The following SKIC3 variants were observed in gnomAD, a reference collection of about 807,000 sequenced individuals.
SKIC3 encodes superkiller complex protein 3.
chr5:95,525,643 A>T, the SKIC3 span: 1 of 1,614,104 alleles, frequency 6.2e-7, no homozygotes, highest in Non-Finnish European at 8.5e-7. Flanking sequence ...TTGAGAACCA[A>T]AAGTCCTGGG....
chr5:95,496,261 C>T, the SKIC3 span, among the ~76,000 whole-genome samples: 1 of 152,100 alleles, frequency 6.6e-6, no homozygotes, highest in Non-Finnish European at 1.5e-5. Context: ...CAGGTAATCC[C>T]CCCTCCTTGG....
At chr5:95,511,976 T>C in the SKIC3 span, among the ~76,000 whole-genome samples, 1 of 152,218 alleles carries the variant, frequency 6.6e-6, no homozygotes, top group Non-Finnish European at 1.5e-5. Context: ...AATGTATCTT[T>C]CCAATATCTT....
the SKIC3 span, among the ~76,000 whole-genome samples, chr5:95,486,251 C>T: frequency 6.6e-5 from 10 of 152,262 alleles, no homozygotes; most frequent in South Asian, 1.2e-3. Context: ...ACTGATATTC[C>T]CTGCCCACAG....
At chr5:95,478,529 T>C in the SKIC3 span, 1 of 1,566,064 alleles carries the variant, frequency 6.4e-7, no homozygotes, top group South Asian at 1.1e-5. Flanking sequence ...TCAATAAACT[T>C]TGTCGTAGTA....
At chr5:95,544,148 A>AAC in the SKIC3 span, among the ~76,000 whole-genome samples, 1 of 152,200 alleles carries the variant, frequency 6.6e-6, no homozygotes, top group Non-Finnish European at 1.5e-5. Context: ...TCTATCTGTG[A>AAC]ACACACTGAT....
At chr5:95,472,336 C>A in the SKIC3 span, among the ~76,000 whole-genome samples, 22 of 152,188 alleles carry the variant, frequency 1.4e-4, no homozygotes, top group Admixed American at 5.9e-4. Context: ...CCATTCTCTC[C>A]CAGAAACATG....
chr5:95,502,594 T>G, the SKIC3 span, among the ~76,000 whole-genome samples: 186 of 152,292 alleles, frequency 1.2e-3, no homozygotes, highest in Middle Eastern at 6.8e-3. Flanking sequence ...CTATCTTCAT[T>G]AAAATTTTAA....
At chr5:95,484,730 G>T in the SKIC3 span, 1 of 1,614,088 alleles carries the variant, frequency 6.2e-7, no homozygotes, top group East Asian at 2.2e-5. Context: ...ATACCTTTGT[G>T]CAGAGAGTTT....
the SKIC3 span, among the ~76,000 whole-genome samples, chr5:95,468,801 T>C: frequency 6.6e-6 from 1 of 152,170 alleles, no homozygotes; most frequent in East Asian, 1.9e-4. Context: ...TGGGAGGTGT[T>C]AACAAAGATT....
chr5:95,523,572 T>A, the SKIC3 span: 2 of 1,467,750 alleles, frequency 1.4e-6, no homozygotes, highest in East Asian at 2.5e-5. Context: ...AATGATAACT[T>A]TCAAGTATAC....
the SKIC3 span, among the ~76,000 whole-genome samples, chr5:95,509,179 G>A: frequency 3.3e-5 from 5 of 151,990 alleles, no homozygotes; most frequent in African/African-American, 9.7e-5. Flanking sequence ...CCTTCTTCCC[G>A]AGAATGAAAC....
the SKIC3 span, among the ~76,000 whole-genome samples, chr5:95,547,496 C>T: frequency 8.5e-5 from 13 of 152,058 alleles, no homozygotes; most frequent in South Asian, 2.7e-3. Flanking sequence ...CTTATTTATC[C>T]TGTTTATTTT....
the SKIC3 span, chr5:95,494,592 T>C: frequency 2.3e-6 from 3 of 1,294,934 alleles, no homozygotes; most frequent in Middle Eastern, 2.3e-4. Flanking sequence ...CAATAAAATA[T>C]ATATTGTGTG....
At chr5:95,488,312 C>G in the SKIC3 span, among the ~76,000 whole-genome samples, 1 of 152,092 alleles carries the variant, frequency 6.6e-6, no homozygotes, top group African/African-American at 2.4e-5. Context: ...ATTTAGACAT[C>G]TGAAAACATG....
the SKIC3 span, chr5:95,540,841 A>G: frequency 6.2e-7 from 1 of 1,613,558 alleles, no homozygotes; most frequent in South Asian, 1.1e-5. Flanking sequence ...CTATTAAAGA[A>G]GGAGATTTTA....
chr5:95,512,382 C>T, the SKIC3 span: 2 of 1,407,072 alleles, frequency 1.4e-6, no homozygotes, highest in East Asian at 5.1e-5. Flanking sequence ...TTAAAGAATA[C>T]CAATATTTAA....
the SKIC3 span, chr5:95,537,281 A>G: frequency 1.3e-6 from 1 of 756,020 alleles, no homozygotes; most frequent in East Asian, 2.8e-5. Context: ...TTCAACGAGG[A>G]AAAAAATGTA....
At chr5:95,532,938 A>G in the SKIC3 span, among the ~76,000 whole-genome samples, 1 of 152,114 alleles carries the variant, frequency 6.6e-6, no homozygotes, top group Non-Finnish European at 1.5e-5. Context: ...AATACTATCT[A>G]ATTTTTCTTT....
chr5:95,523,241 T>C, the SKIC3 span: 5 of 1,613,916 alleles, frequency 3.1e-6, no homozygotes, highest in South Asian at 1.1e-5. Context: ...TTTCAAATAG[T>C]ATAGTCCTCG....
Sources: gnomAD v4.1 joint callset for allele counts (sites outside exome capture counted in the v4.1 genomes callset) on GRCh38, gnomAD v4.1.1 for gene constraint, MANE v1.5 for transcripts, NCBI Gene and HGNC (gene_info 2026-07-23, HGNC 2026-07-21) for gene names.